Variants in MAP3K19 observed in about 807,000 individuals in gnomAD.
MAP3K19 encodes mitogen-activated protein kinase kinase kinase 19, also known as SPS1/STE20-related protein kinase YSK4.
In MAP3K19, 91 loss-of-function variants were observed where a neutral mutation model predicts 114.4. That is an observed-to-expected ratio of 0.80 (90% confidence interval 0.67 to 0.95). The LOEUF (loss-of-function observed/expected upper bound fraction) is 0.95. MAP3K19 is among the 40% of genes least tolerant of loss of function. The pLI is 0.00. For synonymous variants in MAP3K19, 518 were observed against 530.5 expected (o/e 0.98, Z 0.32); for missense variants, 1,471 against 1,573.2 (o/e 0.94, Z 1.10).
At chr2:134,973,646 T>C (rs1233192388) in intron 12 of MAP3K19, among the ~76,000 whole-genome samples, 1 of 150,778 alleles carries the variant, frequency 6.6e-6, no homozygotes, top group Non-Finnish European at 1.5e-5. Context: ...TTCTGGTTGG[T>C]TTGTTTGTTT....
At chr2:135,009,379 G>A (rs1687059521) in intron 5 of MAP3K19, among the ~76,000 whole-genome samples, 2 of 152,030 alleles carry the variant, frequency 1.3e-5, no homozygotes, top group Admixed American at 6.6e-5. Context: ...ATGCTTATGG[G>A]TCATTTGAAT....
chr2:134,987,678 C>A lies in MAP3K19; in HGVS notation c.1194G>T (p.Gln398His). 6.2e-7 allele frequency: 1 copy of A among 1,613,716 alleles called. No individual in the cohort carries two copies. Among genetic ancestry groups the A allele is most frequent in the Non-Finnish European group, 8.5e-7 (1 of 1,180,026 alleles). The part of the protein sequence containing the change: ...CTIPSKFQET[Q>H]HSEITPSQDE... Reference sequence around the variant, plus strand: ...CCTGGCTTGGAGTTATTTCTGAATGCTGGGTTTCTTGGAACTTGCTTGGAA... The same window carrying A: ...CCTGGCTTGGAGTTATTTCTGAATGATGGGTTTCTTGGAACTTGCTTGGAA... The change falls in exon 10 of 13, where the codon CAG becomes CAT. Residue 398 changes from glutamine (Q) to histidine (H), a missense_variant. Physicochemically the swap from Gln to His is conservative, Grantham distance 24. Transcript: ENST00000392915.
intron 1 of MAP3K19, among the ~76,000 whole-genome samples, chr2:135,044,289 T>A (rs947442092): frequency 1.1e-4 from 16 of 152,190 alleles, no homozygotes; most frequent in Non-Finnish European, 2.1e-4. Context: ...AGAGTGCTAC[T>A]GCCCAAAAAG....
chr2:134,994,998 C>T (rs1307615237), intron 8 of MAP3K19, among the ~76,000 whole-genome samples: 2 of 152,094 alleles, frequency 1.3e-5, no homozygotes, highest in Non-Finnish European at 1.5e-5. Flanking sequence ...GGGAAATATG[C>T]CCTAGTAAAA....
chr2:134,997,594 G>A (rs1686092033), intron 8 of MAP3K19, among the ~76,000 whole-genome samples: 1 of 152,062 alleles, frequency 6.6e-6, no homozygotes, highest in South Asian at 2.1e-4. Context: ...GCCAAGGTGG[G>A]AGGATCACGA....
intron 5 of MAP3K19, among the ~76,000 whole-genome samples, chr2:135,010,107 G>GA (rs977156713): frequency 1.7e-3 from 212 of 126,310 alleles, no homozygotes; most frequent in South Asian, 1.9e-3. Context: ...ACAAGAACCA[G>GA]AAAAAAAAAA....
At chr2:135,024,571 A>T (rs1307596698) in intron 4 of MAP3K19, 55 bp downstream of exon 4, 1 of 1,497,572 alleles carries the variant, frequency 6.7e-7, no homozygotes, top group Non-Finnish European at 9.3e-7. Flanking sequence ...AAAGAAAGAG[A>T]TCTAACAGGA....
chr2:135,042,364 T>C (rs1688661609), intron 1 of MAP3K19, among the ~76,000 whole-genome samples: 1 of 151,848 alleles, frequency 6.6e-6, no homozygotes, highest in African/African-American at 2.4e-5. Flanking sequence ...TAGCTGGGCA[T>C]GGTGGCGGGC....
At chr2:135,038,508 T>C (rs1165359529) in intron 2 of MAP3K19, among the ~76,000 whole-genome samples, 1 of 152,062 alleles carries the variant, frequency 6.6e-6, no homozygotes, top group Non-Finnish European at 1.5e-5. Context: ...AAACATGAAG[T>C]GTAGCTACAG....
chr2:135,005,144 AT>A (rs1195415530), intron 6 of MAP3K19, among the ~76,000 whole-genome samples: 1 of 152,052 alleles, frequency 6.6e-6, no homozygotes, highest in Admixed American at 6.5e-5. Flanking sequence ...ATTTATTATA[AT>A]TTTTTTAACT....
intron 2 of MAP3K19, among the ~76,000 whole-genome samples, chr2:135,037,056 G>T (rs949102452): frequency 6.6e-6 from 1 of 151,846 alleles, no homozygotes; most frequent in African/African-American, 2.4e-5. Context: ...GAGTGCAGTG[G>T]CACTATCTTG....
intron 3 of MAP3K19, among the ~76,000 whole-genome samples, chr2:135,025,559 T>G (rs1303634034): frequency 2.0e-5 from 3 of 152,038 alleles, no homozygotes; most frequent in Non-Finnish European, 4.4e-5. Context: ...CTAATTTTTT[T>G]GTATTTTTAG....
intron 12 of MAP3K19, among the ~76,000 whole-genome samples, chr2:134,976,100 T>C (rs544384385): frequency 6.6e-6 from 1 of 152,200 alleles, no homozygotes; most frequent in Non-Finnish European, 1.5e-5. Flanking sequence ...GGCATCACAC[T>C]GCTGCAGCCC....
Position 134,986,405 on chromosome 2 carries a change from C to T in MAP3K19, c.2467G>A (p.Asp823Asn). 6.2e-7 allele frequency: 1 copy of T among 1,613,832 alleles called. No homozygotes were observed. The highest frequency in any genetic ancestry group is 2.2e-5 in the East Asian group (1 of 44,880). Reference protein sequence around the residue: ...VSMEESTGDRDISNNQILTTS... With the variant: ...VSMEESTGDRNISNNQILTTS... ...GTGAGTATTTGATTGTTAGAAATGT[C>T]TCTATCACCAGTAGACTCTTCCATA... Residue 823 changes from aspartate (D) to asparagine (N), a missense_variant, in exon 10 of 13, where the codon GAC (aspartate) becomes AAC (asparagine). Asp to Asn is a conservative substitution (Grantham distance 23). Transcript: ENST00000392915.
At chr2:134,966,305 T>C (rs1683343588) in intron 12 of MAP3K19, among the ~76,000 whole-genome samples, 1 of 152,178 alleles carries the variant, frequency 6.6e-6, no homozygotes, top group Non-Finnish European at 1.5e-5. Flanking sequence ...TGGGGTTTTT[T>C]TGAGAAATCT....
chr2:134,974,160 C>A (rs369929473), intron 12 of MAP3K19, among the ~76,000 whole-genome samples: 39 of 152,224 alleles, frequency 2.6e-4, no homozygotes, highest in African/African-American at 9.1e-4. Flanking sequence ...TACCACCACA[C>A]CTGGGCAATT....
At chr2:134,991,302 A>C (rs1573964055) in intron 9 of MAP3K19, 1 of 472,358 alleles carries the variant, frequency 2.1e-6, no homozygotes, top group East Asian at 4.3e-5. Context: ...CTCTGTCTCA[A>C]AAAACAAAAC....
intron 11 of MAP3K19, chr2:134,983,392 A>C (rs976545007): frequency 1.7e-6 from 1 of 602,250 alleles, no homozygotes; most frequent in Admixed American, 2.0e-5. Flanking sequence ...GCCTGAGAAA[A>C]AGCCAGGCAA....
At chr2:135,006,300 T>C (rs1213455943) in intron 5 of MAP3K19, among the ~76,000 whole-genome samples, 1 of 152,230 alleles carries the variant, frequency 6.6e-6, no homozygotes, top group East Asian at 1.9e-4. Flanking sequence ...ACCCGAATGT[T>C]ACAACTATCT....
Sources: gnomAD v4.1 joint callset for allele counts (sites outside exome capture counted in the v4.1 genomes callset) on GRCh38, gnomAD v4.1.1 for gene constraint, MANE v1.5 for transcripts, NCBI Gene and HGNC (gene_info 2026-07-23, HGNC 2026-07-21) for gene names.